LMOD1: variants seen among roughly 807,000 people sequenced by gnomAD.
LMOD1 encodes the protein leiomodin 1, also known as leiomodin-1.
In LMOD1, 8 loss-of-function variants were observed where a neutral mutation model predicts 36.5. The observed-to-expected ratio is 0.22, with a 90% confidence interval of 0.13 to 0.40. LMOD1 has a LOEUF of 0.40. LMOD1 is among the 10% of genes least tolerant of loss of function. The pLI is 1.00. For synonymous variants in LMOD1, 284 were observed against 288.7 expected (o/e 0.98, Z 0.17); for missense variants, 630 against 751.1 (o/e 0.84, Z 1.88).
intron 1 of LMOD1, among the ~76,000 whole-genome samples, chr1:201,916,225 T>C (rs993228144): frequency 5.9e-5 from 9 of 152,138 alleles, no homozygotes; most frequent in African/African-American, 2.2e-4. Context: ...CTTGAACTAC[T>C]TTTATGATCA....
chr1:201,943,451 C>T (rs1171656577), intron 1 of LMOD1, among the ~76,000 whole-genome samples: 3 of 152,226 alleles, frequency 2.0e-5, no homozygotes, highest in African/African-American at 4.8e-5. Flanking sequence ...TGAAGGCCAC[C>T]GTCAGTGAGG....
rs1457131263 is a variant in LMOD1, at chr1:201,920,036, G to GCTCT, written c.262-19289_262-19286dup. Among the ~76,000 whole-genome samples, 114 of 134,552 alleles carry GCTCT rather than the reference G, an allele frequency of 8.5e-4. 5 individuals carry two copies. Among genetic ancestry groups the GCTCT allele is most frequent in the African/African-American group, 2.7e-3 (97 of 35,472 alleles). 88.3% of individuals were successfully genotyped at this position (134,552 alleles called of 152,430 possible). On this transcript the variant is annotated intron_variant, in intron 1 of 2. Transcript: ENST00000367288. ...TCAATGCCATCTCCACCCGCCACTG[G>GCTCT]CTCTCTCTCTTTTTTTTTTTTTTTT...
intron 1 of LMOD1, among the ~76,000 whole-genome samples, chr1:201,909,231 G>C (rs1030550690): frequency 6.6e-6 from 1 of 152,158 alleles, no homozygotes; most frequent in Admixed American, 6.5e-5. Flanking sequence ...ACCCACTTGT[G>C]AGTGTGTGAG....
intron 1 of LMOD1, among the ~76,000 whole-genome samples, chr1:201,902,732 G>A (rs2790907): frequency 2.6e-5 from 4 of 151,978 alleles, no homozygotes; most frequent in East Asian, 1.9e-4. Context: ...GGCGTGAGCC[G>A]CCGCGCCAGG....
chr1:201,901,538 A>ATATATATATATATATATG (rs1681306959), intron 1 of LMOD1, among the ~76,000 whole-genome samples: 2 of 53,620 alleles, frequency 3.7e-5, no homozygotes, highest in Non-Finnish European at 6.9e-5. Flanking sequence ...ATGTATATAT[A>ATATATATATATATATATG]TATATATATA....
In LMOD1 at chr1:201,900,250, C is replaced by A. The variant is rs1346479964; in HGVS notation, c.763G>T (p.Val255Leu). ...TCTGTGTTCCCAGTTCCTCTTTTTA[C>A]CTTCTCATCCTCCTTTTTCATGTCT... Reference protein sequence around the residue: ...NTDMKKEDEKVKRGTGNTDTK... With the variant: ...NTDMKKEDEKLKRGTGNTDTK... Residue 255 changes from valine (V) to leucine (L), a missense_variant, in exon 2 of 3, where the codon GTA (valine) becomes TTA (leucine). Around this residue, in one of 3 missense-constraint regions of LMOD1, gnomAD observed 405 missense variants for 400.6 expected, o/e 1.01. Transcript: ENST00000367288. The A allele has an allele frequency of 6.2e-7, 1 of 1,613,474 alleles. No homozygotes were observed. The highest frequency in any genetic ancestry group is 1.3e-5 in the African/African-American group (1 of 74,826).
rs1408328676 is a variant in LMOD1 at position 201,931,120 on chromosome 1, AAGAG to A, written c.261+14956_261+14959del. On this transcript the variant is annotated intron_variant, in intron 1 of 2. Transcript: ENST00000367288. ...AAAGAGCCAGTAAAAGGGAATGTTG[AAGAG>A]AGAGAGAGATGTTTAAAGGAGCAAA... Among the ~76,000 whole-genome samples, 7 of 152,214 alleles carry A rather than the reference AAGAG, an allele frequency of 4.6e-5. No homozygotes were observed. In the South Asian group the frequency reaches 1.5e-3, roughly 32 times the overall value.
At chr1:201,905,720 T>C (rs150602171) in intron 1 of LMOD1, among the ~76,000 whole-genome samples, 2 of 152,292 alleles carry the variant, frequency 1.3e-5, no homozygotes, top group Non-Finnish European at 2.9e-5. Flanking sequence ...TTTGGACCCA[T>C]GTAGCTGCAA....
In LMOD1 at chr1:201,925,029, G is replaced by A. The variant is rs577471594; in HGVS notation, c.261+21051C>T. 4.5e-4 allele frequency among the ~76,000 whole-genome samples: 69 copies of A among 152,254 alleles called. 1 individual carries two copies. The Middle Eastern group carries it at 0.02, about 45-fold the overall frequency. ...CAGGAGTTCAAGGCCAGCCATGGCC[G>A]ACATAGTGAAACGCTGTCTCTACTA... On this transcript the variant is annotated intron_variant, in intron 1 of 2. Transcript: ENST00000367288.
At chr1:201,921,605 G>A (rs149009205) in intron 1 of LMOD1, among the ~76,000 whole-genome samples, 1 of 151,890 alleles carries the variant, frequency 6.6e-6, no homozygotes, top group East Asian at 1.9e-4. Context: ...GAGTAAATAT[G>A]GTGACTCTGA....
intron 1 of LMOD1, among the ~76,000 whole-genome samples, chr1:201,933,388 T>C (rs1011368835): frequency 2.7e-5 from 4 of 148,698 alleles, no homozygotes; most frequent in African/African-American, 1.0e-4. Context: ...CACTCCAGCC[T>C]GGGCAACAGG....
At chr1:201,927,534 C>G (rs1681848262) in intron 1 of LMOD1, among the ~76,000 whole-genome samples, 1 of 151,666 alleles carries the variant, frequency 6.6e-6, no homozygotes, top group Non-Finnish European at 1.5e-5. Context: ...CCACTGCACT[C>G]CAGCCTGGTG....
chr1:201,939,240 G>GTGA (rs1558244100), intron 1 of LMOD1, among the ~76,000 whole-genome samples: 6 of 151,868 alleles, frequency 4.0e-5, no homozygotes. Context: ...AAGGTCTCTC[G>GTGA]TGATGTGCCA....
intron 1 of LMOD1, among the ~76,000 whole-genome samples, chr1:201,926,129 G>A (rs1259413329): frequency 1.3e-5 from 2 of 152,304 alleles, no homozygotes; most frequent in East Asian, 3.9e-4. Flanking sequence ...GAGTCAAAGC[G>A]AGAGGGAGGT....
At chr1:201,945,095 A>G (rs1195979744) in intron 1 of LMOD1, among the ~76,000 whole-genome samples, 1 of 152,118 alleles carries the variant, frequency 6.6e-6, no homozygotes, top group African/African-American at 2.4e-5. Flanking sequence ...TAGAACAAAG[A>G]CTTGAACAAT....
intron 1 of LMOD1, among the ~76,000 whole-genome samples, chr1:201,935,677 C>T (rs1413380614): frequency 1.3e-5 from 2 of 151,990 alleles, no homozygotes; most frequent in Non-Finnish European, 2.9e-5. Flanking sequence ...CTGCCTCAGC[C>T]TCCCGAGTAC....
In LMOD1 at chr1:201,897,109, G is replaced by A; in HGVS notation, c.*1263C>T. 2 of 258,488 alleles carry A rather than the reference G, an allele frequency of 7.7e-6. No individual in the cohort carries two copies. Among genetic ancestry groups the A allele is most frequent in the Middle Eastern group, 1.4e-3 (1 of 706 alleles). 16.0% of individuals were successfully genotyped at this position (258,488 alleles called of 1,614,324 possible). ...TGTCAGCATTCCTGCAGTTGGGGCA[G>A]GAAGTGGAATTGGTGAGCAGGTGGG... On this transcript the variant is annotated 3_prime_UTR_variant, in exon 3 of 3. Transcript: ENST00000367288.
chr1:201,901,627 TGTGTATATATATATATATATAC>T (rs1211795896), intron 1 of LMOD1, among the ~76,000 whole-genome samples: 8 of 18,318 alleles, frequency 4.4e-4, no homozygotes, highest in Non-Finnish European at 9.7e-4. Flanking sequence ...TATATGTGTG[TGTGTATATATATATATATATAC>T]ATATATATGT....
intron 1 of LMOD1, among the ~76,000 whole-genome samples, chr1:201,903,914 G>A (rs1355800697): frequency 6.6e-6 from 1 of 152,236 alleles, no homozygotes; most frequent in Admixed American, 6.5e-5. Flanking sequence ...GAGATGATGA[G>A]TTAACTGACT....
Sources: gnomAD v4.1 joint callset for allele counts (sites outside exome capture counted in the v4.1 genomes callset) on GRCh38, gnomAD v4.1.1 for gene constraint, gnomAD v4.1.1 regional missense constraint, MANE v1.5 for transcripts, NCBI Gene and HGNC (gene_info 2026-07-23, HGNC 2026-07-21) for gene names.